HOOK2: variants seen among roughly 807,000 people sequenced by gnomAD.
HOOK2 encodes hook microtubule tethering protein 2, also known as protein Hook homolog 2.
In HOOK2, 108 loss-of-function variants were observed where a neutral mutation model predicts 111.9. The observed-to-expected ratio is 0.96, with a 90% CI of 0.83 to 1.13. HOOK2 has a LOEUF of 1.13. Among genes scored for constraint, HOOK2 ranks in the 50% most tolerant of loss-of-function variants. The pLI, the probability that HOOK2 is intolerant of heterozygous loss-of-function variation, is 0.00. For synonymous variants in HOOK2, 405 were observed against 394.3 expected, an observed-to-expected ratio of 1.03 and a Z score of -0.32; for missense variants, 978 against 951.3, an observed-to-expected ratio of 1.03 and a Z score of -0.37.
upstream of HOOK2, among the ~76,000 whole-genome samples, chr19:12,780,653 CCT>C (rs1491534493): frequency 6.0e-5 from 6 of 99,988 alleles, no homozygotes; most frequent in East Asian, 1.8e-3. Context: ...CCGCGCCCGG[CCT>C]TTTTTTTTTT....
chr19:12,784,716 G>A (rs1968639880), intron 3 of HOOK2: 1 of 152,360 alleles, frequency 6.6e-6, no homozygotes, highest in South Asian at 2.1e-4. Flanking sequence ...CCAGCACCCC[G>A]AGAGCCACAC....
At chr19:12,775,615 C>T (rs1347412588), upstream of HOOK2, 4 of 562,612 alleles carry the variant, frequency 7.1e-6, no homozygotes, top group African/African-American at 6.0e-5. Flanking sequence ...GCCCAGGCTC[C>T]GCCTCGGAAC....
In HOOK2 at chr19:12,763,433, T is replaced by C. The variant is rs754749917; in HGVS notation, c.2011-2A>G. The C allele has an allele frequency of 3.1e-6, 5 of 1,613,616 alleles. No individual in the cohort carries two copies. Among genetic ancestry groups the C allele is most frequent in the East Asian group, 4.5e-5 (2 of 44,868 alleles). Reference sequence around the variant, plus strand: ...AGCTCGCTGCTGCAAGGCCATGCCCTTCAGGAGGAGGTGTGGTTGGGGTCA... The same window carrying C: ...AGCTCGCTGCTGCAAGGCCATGCCCCTCAGGAGGAGGTGTGGTTGGGGTCA... On this transcript the variant is annotated splice_acceptor_variant, in intron 22 of 22. Coordinates refer to ENST00000397668, the MANE Select transcript of HOOK2 (RefSeq NM_013312.3). LOFTEE classifies it high-confidence loss of function.
intron 3 of HOOK2, among the ~76,000 whole-genome samples, chr19:12,788,077 CAAACA>C: frequency 6.6e-6 from 1 of 152,194 alleles, no homozygotes; most frequent in South Asian, 2.1e-4. Flanking sequence ...AACAAACAAA[CAAACA>C]AAACACCAAA....
rs367885167 is a variant in HOOK2, at chr19:12,791,988, G to T, written n.42-17763C>A. Reference sequence around the variant, plus strand: ...TGGCGGCAGCTACTTTTCTGGTCAGGGCTCGGACACCGGCGCGTCTCTCAA... The same window carrying T: ...TGGCGGCAGCTACTTTTCTGGTCAGTGCTCGGACACCGGCGCGTCTCTCAA... On this transcript the variant is annotated intron_variant and non_coding_transcript_variant, in intron 3 of 3. Coordinates refer to the HOOK2 transcript ENST00000589765. The surrounding 1 kb of genome is among the most constrained non-coding windows in gnomAD (Gnocchi z 7.0). The T allele has an allele frequency of 2.6e-5, 42 of 1,611,714 alleles. No homozygotes were observed. In the African/African-American group the frequency reaches 5.3e-4, roughly 20 times the overall value.
rs1286336004 is a variant in HOOK2, at chr19:12,786,277, G to A, written n.42-12052C>T. ...TGTGTGCTGCGATTTGTGGGTTCTC[G>A]CCCTGGCCTGCCCACTGGCTGACTC... On this transcript the variant is annotated intron_variant and non_coding_transcript_variant, in intron 3 of 3. Transcript: ENST00000589765. The surrounding 1 kb of genome is among the most constrained non-coding windows in gnomAD (Gnocchi z 4.3). Among the ~76,000 whole-genome samples the A allele has an allele frequency of 3.3e-5, 5 of 152,030 alleles. No homozygotes were observed. Among genetic ancestry groups the A allele is most frequent in the African/African-American group, 7.2e-5 (3 of 41,382 alleles).
intron 3 of HOOK2, chr19:12,787,137 T>G (rs1012132549): frequency 6.5e-6 from 1 of 153,016 alleles, no homozygotes; most frequent in African/African-American, 2.4e-5. Context: ...AGCTGAACTC[T>G]AGCCTGAGCA....
Position 12,771,290 on chromosome 19 carries a change from G to A in HOOK2, c.630C>T (p.Ser210=), listed in dbSNP as rs1209820886. 4.4e-6 allele frequency: 7 copies of A among 1,603,700 alleles called. No homozygotes were observed. The highest frequency in any genetic ancestry group is 6.0e-6 in the Non-Finnish European group (7 of 1,174,868). ...GCAGCCCTGCATTCTCTTGCGCCAG[G>A]CTCTGCTTCTCCTCTGACAGGAGCA... is the stretch of plus-strand genomic sequence containing the variant. ...QLMLLSEEKQ[S]LAQENAGLRE... Residue 210 remains serine, a synonymous_variant, in exon 9 of 23, where the codon AGC becomes AGT. Transcript: ENST00000397668.
intron 3 of HOOK2, among the ~76,000 whole-genome samples, chr19:12,787,359 G>A (rs10409151): frequency 0.019 from 2,961 of 152,212 alleles, 89 homozygotes; most frequent in African/African-American, 0.067. Flanking sequence ...GGCTGGGCGA[G>A]GTAGATCATG....
At position 12,790,263 on chromosome 19, in the gene HOOK2, G is replaced by A. The variant is rs17880845; in HGVS notation, n.42-16038C>T. Among the ~76,000 whole-genome samples the A allele has an allele frequency of 2.9e-3, 447 of 152,332 alleles. 10 individuals are homozygous for A. The highest frequency in any genetic ancestry group is 0.026 in the Admixed American group (398 of 15,308). ...GCAGGATGCGGCGGGACCCAGGGCGGGGCGCACGGTCCCGTAGGATCCGAG... is the reference window on the plus strand; with the variant it reads ...GCAGGATGCGGCGGGACCCAGGGCGAGGCGCACGGTCCCGTAGGATCCGAG... On this transcript the variant is annotated intron_variant and non_coding_transcript_variant, in intron 3 of 3. Coordinates refer to the HOOK2 transcript ENST00000589765. This position sits in a 1 kb window ranked among gnomAD's most constrained non-coding sequence, Gnocchi z 7.2.
chr19:12,772,947 C>A, intron 4 of HOOK2, 35 bp from the exon 5 acceptor site: 1 of 1,614,204 alleles, frequency 6.2e-7, no homozygotes, highest in Non-Finnish European at 8.5e-7. Flanking sequence ...CTCATGGGCC[C>A]ACCCTTCTCC....
chr19:12,767,709 G>C, intron 13 of HOOK2, 107 bp downstream of exon 13: 1 of 1,071,580 alleles, frequency 9.3e-7, no homozygotes, highest in Non-Finnish European at 1.3e-6. Flanking sequence ...GTCACCTCCA[G>C]CCTGGCCTAG....
At chr19:12,768,638 A>C (rs919458258) in intron 11 of HOOK2, among the ~76,000 whole-genome samples, 6 of 151,764 alleles carry the variant, frequency 4.0e-5, no homozygotes, top group Middle Eastern at 6.8e-3. Context: ...AAAAATTTAA[A>C]AATTTTTATT....
At position 12,763,103 on chromosome 19, in the gene HOOK2, A is replaced by C; in HGVS notation, c.*179T>G. On this transcript the variant is annotated 3_prime_UTR_variant, in exon 23 of 23. Transcript: ENST00000397668. ...AATCAACAACAAGAATCACATTGCT[A>C]AAAAGAACAGGCCTATATCTACCTC... 1 of 613,044 alleles carries C rather than the reference A, an allele frequency of 1.6e-6. No individual in the cohort carries two copies. Among genetic ancestry groups the C allele is most frequent in the Non-Finnish European group, 2.8e-6 (1 of 360,880 alleles). The allele number at this position is 613,044 out of a possible 1,614,324, so 38.0% of individuals were successfully genotyped here.
rs536886459 is a variant in HOOK2, at chr19:12,765,372, GCTT to G, written c.1641-294_1641-292del. On this transcript the variant is annotated intron_variant, in intron 18 of 22. Coordinates refer to ENST00000397668, the MANE Select transcript of HOOK2 (RefSeq NM_013312.3). ...GTTCAGCCACCATCTTCCCTTGCTA[GCTT>G]CTTCTACTCTCAAGCACTCCATCCA... The G allele has an allele frequency of 5.1e-4, 297 of 586,732 alleles. 1 individual carries two copies. The highest frequency in any genetic ancestry group is 4.4e-3 in the African/African-American group (237 of 53,792). The allele number at this position is 586,732 out of a possible 1,614,324, so 36.3% of individuals were successfully genotyped here. A position where few individuals can be genotyped will look rare whatever the true frequency, so the allele number is the denominator to read the frequency against.
At position 12,763,368 on chromosome 19, in the gene HOOK2, C is replaced by A. The variant is rs1456270396; in HGVS notation, c.2074G>T (p.Ala692Ser). 1.4e-5 allele frequency: 22 copies of A among 1,614,052 alleles called. No individual in the cohort carries two copies. The highest frequency in any genetic ancestry group is 1.8e-5 in the Non-Finnish European group (21 of 1,180,046). ...GAATTGGTTGCCAGCCGCTGCTGTG[C>A]CAGGAATGACTGGGCATGGGCAGGC... ...RAPAHAQSFL[A>S]QQRLATNSRR... Residue 692 changes from alanine (A) to serine (S), a missense_variant, in exon 23 of 23, where the codon GCA (alanine) becomes TCA (serine). Ala to Ser is a moderately conservative substitution (Grantham distance 99). This residue lies in a region of HOOK2 where 277 missense variants were observed against 265.8 expected (regional missense o/e 1.04). Transcript: ENST00000397668.
chr19:12,766,415 A>C (rs1384307966), intron 14 of HOOK2, 175 bp from the exon 15 acceptor site: 1 of 742,120 alleles, frequency 1.3e-6, no homozygotes, highest in South Asian at 2.1e-5. Context: ...CCAGGGTTAA[A>C]GTGGACGGAG....
Position 12,765,678 on chromosome 19 carries a change from T to C in HOOK2, c.1640+12A>G. The C allele has an allele frequency of 6.2e-7, 1 of 1,614,128 alleles. No homozygotes were observed. The highest frequency in any genetic ancestry group is 1.1e-5 in the South Asian group (1 of 91,080). ...ATGCCCCCACGAGGAGTTCCCTCTT[T>C]CTGCGACTTACAAATGTTCCTCCAG... On this transcript the variant is annotated intron_variant, in intron 18 of 22. Transcript: ENST00000397668.
chr19:12,778,993 G>A (rs572960433), upstream of HOOK2, among the ~76,000 whole-genome samples: 54 of 152,296 alleles, frequency 3.5e-4, no homozygotes, highest in South Asian at 0.011. Flanking sequence ...AGCAAGAGGG[G>A]CTGAAAAACC....
Sources: gnomAD v4.1 joint callset for allele counts (sites outside exome capture counted in the v4.1 genomes callset) on GRCh38, gnomAD v4.1.1 for gene constraint, gnomAD v4.1.1 regional missense constraint, Gnocchi (gnomAD v3.1) non-coding constraint, MANE v1.5 for transcripts, NCBI Gene and HGNC (gene_info 2026-07-23, HGNC 2026-07-21) for gene names.